MYH13: variants seen among roughly 807,000 people sequenced by gnomAD.
The protein encoded by MYH13 is myosin heavy chain 13, also known as myosin-13.
MYH13 carries 177 observed loss-of-function variants against 232.1 expected under a neutral mutation model. The ratio of observed to expected loss-of-function variants is 0.76; its 90% confidence interval spans 0.67 to 0.86. MYH13 has a LOEUF of 0.86. Among genes scored for constraint, MYH13 ranks in the 40% least tolerant of loss-of-function variants. MYH13 has a pLI of 0.00. For missense variants in MYH13, 2,246 were observed against 2,405.9 expected (o/e 0.93, Z 1.39); for synonymous variants, 884 against 923.5 (o/e 0.96, Z 0.78).
At chr17:10,327,321 T>A (rs972858174) in intron 22 of MYH13, among the ~76,000 whole-genome samples, 10 of 150,728 alleles carry the variant, frequency 6.6e-5, no homozygotes, top group Non-Finnish European at 1.5e-4. Context: ...TTTTAAAAAT[T>A]TTTTTACAGA....
rs1360143340 is a variant in MYH13 at position 10,335,586 on chromosome 17, C to G, written c.2057-2395G>C. On this transcript the variant is annotated intron_variant, in intron 18 of 40. Coordinates refer to ENST00000252172, the MANE Select transcript of MYH13 (RefSeq NM_003802.3). ...TGGCCAACATGGTGAAACCTCTTCT[C>G]TACTAAAAATATGAAAACGTAGCTG... is the stretch of plus-strand genomic sequence containing the variant. 3.3e-5 allele frequency among the ~76,000 whole-genome samples: 5 copies of G among 152,100 alleles called. No homozygotes were observed. In the South Asian group the frequency reaches 1.0e-3, roughly 32 times the overall value.
At chr17:10,323,142 G>A (rs1051040799) in intron 23 of MYH13, among the ~76,000 whole-genome samples, 1 of 152,098 alleles carries the variant, frequency 6.6e-6, no homozygotes, top group African/African-American at 2.4e-5. Flanking sequence ...AGGACATGTC[G>A]CCTTATGGAC....
At position 10,311,134 on chromosome 17, in the gene MYH13, G is replaced by C; in HGVS notation, c.4625C>G (p.Ser1542Ter). The C allele has an allele frequency of 6.2e-7, 1 of 1,614,010 alleles. No individual in the cohort carries two copies. The highest frequency in any genetic ancestry group is 1.1e-5 in the South Asian group (1 of 91,076). Residue 1542 changes from serine to a stop codon, truncating the protein, a stop_gained, in exon 33 of 41, where the codon TCA becomes TGA. Coordinates refer to ENST00000252172, the MANE Select transcript of MYH13 (RefSeq NM_003802.3). LOFTEE classifies it high-confidence loss of function. ...KTKKLVEQEK[S>*]DLQVALEEVE... ...TTCTTCTAAGGCGACCTGCAGATCT[G>C]ACTTTTCCTGCTCCACTAGCTTCTT... is the stretch of plus-strand genomic sequence containing the variant.
intron 18 of MYH13, among the ~76,000 whole-genome samples, chr17:10,337,455 G>GCA (rs2071583788): frequency 6.6e-6 from 1 of 151,404 alleles, no homozygotes; most frequent in African/African-American, 2.4e-5. Context: ...TAGAGGATTT[G>GCA]GGAGAACAAC....
chr17:10,333,279 C>T, intron 18 of MYH13, 88 bp from the exon 19 acceptor site: 1 of 903,170 alleles, frequency 1.1e-6, no homozygotes, highest in Non-Finnish European at 1.7e-6. Context: ...CCAACACATC[C>T]ACACTTGAGT....
intron 2 of MYH13, among the ~76,000 whole-genome samples, chr17:10,369,615 T>C (rs184859175): frequency 1.7e-4 from 26 of 152,362 alleles, no homozygotes; most frequent in South Asian, 4.1e-4. Context: ...CCATAGCTGA[T>C]AGTTGAGCCA....
At chr17:10,316,637 C>T (rs1473744414) in intron 27 of MYH13, among the ~76,000 whole-genome samples, 1 of 152,112 alleles carries the variant, frequency 6.6e-6, no homozygotes, top group African/African-American at 2.4e-5. Flanking sequence ...TAATTGCAAG[C>T]AATACAAGCC....
At chr17:10,301,912 A>G (rs1331831451) in intron 39 of MYH13, among the ~76,000 whole-genome samples, 1 of 152,164 alleles carries the variant, frequency 6.6e-6, no homozygotes, top group East Asian at 1.9e-4. Flanking sequence ...TGCAGGTGCT[A>G]CTGTCCCTTC....
chr17:10,360,803 A>C (rs1458782350), intron 5 of MYH13, among the ~76,000 whole-genome samples: 1 of 152,202 alleles, frequency 6.6e-6, no homozygotes, highest in African/African-American at 2.4e-5. Flanking sequence ...CTGATCTAAT[A>C]TGACTGGTAT....
Position 10,354,995 on chromosome 17 carries a change from T to G in MYH13, c.803-2A>C. On this transcript the variant is annotated splice_acceptor_variant, in intron 9 of 40. Transcript: ENST00000252172. LOFTEE classifies it high-confidence loss of function. ...TCACTCTGGATTTTTCTAACAGATC[T>G]AAGGTAACAAAAATAACGTGATTTC... 1 of 1,609,416 alleles carries G rather than the reference T, an allele frequency of 6.2e-7. No individual in the cohort carries two copies. Among genetic ancestry groups the G allele is most frequent in the Non-Finnish European group, 8.5e-7 (1 of 1,175,826 alleles).
chr17:10,321,524 A>T lies in MYH13; in HGVS notation c.3111+8T>A. Reference sequence around the variant, plus strand: ...AAATGCTAAAGCATAGTAGTAAAATATCCTCACATCATCTGTTTGCTGTTC... The same window carrying T: ...AAATGCTAAAGCATAGTAGTAAAATTTCCTCACATCATCTGTTTGCTGTTC... On this transcript the variant is annotated splice_region_variant and intron_variant, in intron 24 of 40. Transcript: ENST00000252172. 1.2e-6 allele frequency: 2 copies of T among 1,609,552 alleles called. No individual in the cohort carries two copies. Among genetic ancestry groups the T allele is most frequent in the Non-Finnish European group, 1.7e-6 (2 of 1,177,904 alleles).
chr17:10,335,640 A>C (rs546476406), intron 18 of MYH13, among the ~76,000 whole-genome samples: 2 of 152,202 alleles, frequency 1.3e-5, no homozygotes, highest in Non-Finnish European at 2.9e-5. Context: ...TGTAAATCCC[A>C]GTTACTCGGG....
chr17:10,359,834 G>A lies in MYH13; in HGVS notation c.645+126C>T. 2.5e-6 allele frequency: 2 copies of A among 799,060 alleles called. 1 individual carries two copies. The highest frequency in any genetic ancestry group is 3.2e-5 in the South Asian group (2 of 61,584). The allele number at this position is 799,060 out of a possible 1,614,324, so 49.5% of individuals were successfully genotyped here. On this transcript the variant is annotated intron_variant, in intron 7 of 40. Coordinates refer to ENST00000252172, the MANE Select transcript of MYH13 (RefSeq NM_003802.3). ...CACGTTCTGTGTGAGGATACAGAGA[G>A]GAAAGAAAGAATTTTTCCTATTTGC...
At chr17:10,353,773 T>G (rs1352776579) in intron 11 of MYH13, among the ~76,000 whole-genome samples, 3 of 152,014 alleles carry the variant, frequency 2.0e-5, no homozygotes, top group Non-Finnish European at 4.4e-5. Context: ...CTTGGGAGGC[T>G]GAGGCAAGAG....
Position 10,364,338 on chromosome 17 carries a change from G to A in MYH13, c.193C>T (p.Leu65Phe). The A allele has an allele frequency of 6.2e-7, 1 of 1,613,372 alleles. No homozygotes were observed. Residue 65 changes from leucine (L) to phenylalanine (F), a missense_variant, in exon 3 of 41, where the codon CTC (leucine) becomes TTC (phenylalanine). Physicochemically the swap from Leu to Phe is conservative, Grantham distance 22. Coordinates refer to ENST00000252172, the MANE Select transcript of MYH13 (RefSeq NM_003802.3). ...TAATCAACACTCACCCGGTCATCGAGGGTCTTGACTATGACTTTGTCATTT... is the reference window on the plus strand; with the variant it reads ...TAATCAACACTCACCCGGTCATCGAAGGTCTTGACTATGACTTTGTCATTT... Reference protein sequence around the residue: ...RENDKVIVKTLDDRMLTLNND... With the variant: ...RENDKVIVKTFDDRMLTLNND...
rs1306646274 is a variant in MYH13 at position 10,330,461 on chromosome 17, C to T, written c.2361G>A (p.Thr787=). 9.9e-6 allele frequency: 16 copies of T among 1,612,892 alleles called. 1 individual carries two copies. Among genetic ancestry groups the T allele is most frequent in the Admixed American group, 5.0e-5 (3 of 59,946 alleles). ...LEEMRDEKLV[T]LMTSTQAVCR... ...ACACCGCCTGCGTGCTTGTCATCAGCGTCACCAGCTTCTCATCTCTCATCT... is the reference window on the plus strand; with the variant it reads ...ACACCGCCTGCGTGCTTGTCATCAGTGTCACCAGCTTCTCATCTCTCATCT... Residue 787 remains threonine (T), a synonymous_variant, in exon 21 of 41, where the codon ACG becomes ACA. Transcript: ENST00000252172.
intron 29 of MYH13, among the ~76,000 whole-genome samples, chr17:10,314,823 T>C (rs1906642510): frequency 6.6e-6 from 1 of 152,232 alleles, no homozygotes; most frequent in Non-Finnish European, 1.5e-5. Flanking sequence ...GTAGGTACAG[T>C]GGGGACAAAC....
chr17:10,307,198 G>A (rs1205919576), intron 35 of MYH13, 134 bp from the exon 36 acceptor site: 7 of 1,113,076 alleles, frequency 6.3e-6, no homozygotes, highest in Non-Finnish European at 8.8e-6. Flanking sequence ...TGACCTGCTG[G>A]GTACAGTACT....
rs1239777073 is a variant in MYH13 at position 10,316,073 on chromosome 17, G to C, written c.3739-48C>G. ...ACGAATGGGAAGAAATGGATTCCTA[G>C]TGCCCAGCATTGAACTGAACAGTGT... is the stretch of plus-strand genomic sequence containing the variant. On this transcript the variant is annotated intron_variant, in intron 27 of 40. Coordinates refer to ENST00000252172, the MANE Select transcript of MYH13 (RefSeq NM_003802.3). The C allele has an allele frequency of 1.9e-6, 3 of 1,605,164 alleles. No homozygotes were observed. The Admixed American group carries it at 5.0e-5, about 27-fold the overall frequency.
Sources: allele counts gnomAD v4.1 joint callset (sites outside exome capture counted in the v4.1 genomes callset), GRCh38; gene constraint gnomAD v4.1.1; transcripts MANE v1.5; gene names NCBI Gene and HGNC (gene_info 2026-07-23, HGNC 2026-07-21).